Variants in PLXNA1 observed in about 807,000 individuals in gnomAD.
PLXNA1 encodes the protein plexin-A1.
In PLXNA1, 77 loss-of-function variants were observed where a neutral mutation model predicts 191.7. The observed-to-expected ratio is 0.40, with a 90% CI of 0.33 to 0.49. The LOEUF (loss-of-function observed/expected upper bound fraction) is 0.49. PLXNA1 is among the 20% of genes least tolerant of loss of function. The probability of loss-of-function intolerance (pLI) is 0.63; values close to 1 mark genes in which losing one functional copy is unlikely to be tolerated. For missense variants in PLXNA1, 2,110 were observed against 2,660.2 expected, an observed-to-expected ratio of 0.79 and a Z score of 4.55; for synonymous variants, 1,137 against 1,156.4, an observed-to-expected ratio of 0.98 and a Z score of 0.34.
rs143549043 is a variant in PLXNA1, at chr3:127,018,311, C to G, written c.3678C>G (p.Phe1226Leu). ...ACTGGCAGGTGCGGGCAGGTGGCTT[C>G]GAGTTCTCGCCAGGGACACTGCAGG... ...QHKVTVRAGG[F>L]EFSPGTLQVY... Residue 1226 changes from phenylalanine (F) to leucine (L), a missense_variant, in exon 20 of 32, where the codon TTC becomes TTG. Physicochemically the swap from Phe to Leu is conservative, Grantham distance 22. Around this residue, in one of 4 missense-constraint regions of PLXNA1, gnomAD observed 644 missense variants for 714.3 expected, o/e 0.90. Transcript: ENST00000393409. 6.2e-6 allele frequency: 10 copies of G among 1,605,798 alleles called. No individual in the cohort carries two copies. The highest frequency in any genetic ancestry group is 8.5e-6 in the Non-Finnish European group (10 of 1,176,290).
At position 127,028,937 on chromosome 3, in the gene PLXNA1, T is replaced by C. The variant is rs182969069; in HGVS notation, c.4670-56T>C. ...GCCCCGTCCCACTACACTGCTGTGA[T>C]GGAGGAGGGAAAGAGGGCCCCAGCG... On this transcript the variant is annotated intron_variant, in intron 25 of 31. Coordinates refer to ENST00000393409, the MANE Select transcript of PLXNA1 (RefSeq NM_032242.4). The C allele has an allele frequency of 1.6e-3, 2,216 of 1,388,048 alleles. 17 individuals are homozygous for C. In the African/African-American group the frequency reaches 0.026, roughly 16 times the overall value. The allele number at this position is 1,388,048 out of a possible 1,614,324, so 86.0% of individuals were successfully genotyped here.
chr3:127,013,384 G>A (rs1576681344), intron 10 of PLXNA1, among the ~76,000 whole-genome samples: 5 of 152,306 alleles, frequency 3.3e-5, no homozygotes, highest in African/African-American at 1.2e-4. Flanking sequence ...GAATTGCCGG[G>A]CCGCCCCTTG....
At position 127,033,802 on chromosome 3, in the gene PLXNA1, T is replaced by G. The variant is rs1216005763; in HGVS notation, c.5596-120T>G. The G allele has an allele frequency of 3.7e-6, 3 of 800,622 alleles. No homozygotes were observed. In the African/African-American group the frequency reaches 5.2e-5, roughly 14 times the overall value. 49.6% of individuals were successfully genotyped at this position (800,622 alleles called of 1,614,324 possible). A position where few individuals can be genotyped will look rare whatever the true frequency, so the allele number is the denominator to read the frequency against. ...GGGTCCAGGCTCACAACCAAGGTCC[T>G]TTGGCCAGGGGTAGATGGGGTTGAA... is the stretch of plus-strand genomic sequence containing the variant. On this transcript the variant is annotated intron_variant, in intron 31 of 31. Coordinates refer to ENST00000393409, the MANE Select transcript of PLXNA1 (RefSeq NM_032242.4).
At chr3:127,032,327 G>GGTA (rs1302064568) in intron 29 of PLXNA1, 60 bp from the exon 30 acceptor site, 12 of 1,535,646 alleles carry the variant, frequency 7.8e-6, no homozygotes, top group African/African-American at 5.5e-5. Flanking sequence ...AGGGCCACAA[G>GGTA]GTCACTGCTC....
In PLXNA1 at chr3:127,023,769, C is replaced by T. The variant is rs545101497; in HGVS notation, c.4362+951C>T. Among the ~76,000 whole-genome samples, 11 of 152,136 alleles carry T rather than the reference C, an allele frequency of 7.2e-5. No individual in the cohort carries two copies. In the East Asian group the frequency reaches 1.7e-3, roughly 24 times the overall value. ...CCTCGCTGCCGGGAGAGACACTGGA[C>T]GGGAAATACAGCAGACAGGCAATGG... On this transcript the variant is annotated intron_variant, in intron 23 of 31. Transcript: ENST00000393409.
chr3:127,016,446 C>T (rs762829486), intron 15 of PLXNA1, 71 bp from the exon 16 acceptor site: 9 of 1,399,904 alleles, frequency 6.4e-6, no homozygotes, highest in Non-Finnish European at 8.0e-6. Context: ...CACCGTCCCT[C>T]AATGCATCTG....
chr3:126,984,859 G>T (rs2078950301), intron 1 of PLXNA1, among the ~76,000 whole-genome samples: 1 of 152,240 alleles, frequency 6.6e-6, no homozygotes. Flanking sequence ...GGAGGAGCGG[G>T]TGCCCCAGGG....
intron 1 of PLXNA1, among the ~76,000 whole-genome samples, chr3:126,984,663 G>GA (rs2078948760): frequency 6.8e-6 from 1 of 147,626 alleles, no homozygotes; most frequent in African/African-American, 2.6e-5. Flanking sequence ...TTGGGCAGAG[G>GA]ACAGCATGGG....
In PLXNA1 at chr3:126,988,668, G is replaced by T; in HGVS notation, c.75G>T (p.Trp25Cys). Reference sequence around the variant, plus strand: ...TGCTGCTGCTGCTGCCGGGCATGTGGGCTGAGGCAGGCTTGCCCAGGGCAG... The same window carrying T: ...TGCTGCTGCTGCTGCCGGGCATGTGTGCTGAGGCAGGCTTGCCCAGGGCAG... ...LLLLLLLPGM[W>C]AEAGLPRAGG... The change falls in exon 2 of 32, where the codon TGG becomes TGT. Residue 25 changes from tryptophan to cysteine, a missense_variant. Coordinates refer to ENST00000393409, the MANE Select transcript of PLXNA1 (RefSeq NM_032242.4). 1 of 1,578,340 alleles carries T rather than the reference G, an allele frequency of 6.3e-7. No individual in the cohort carries two copies. Among genetic ancestry groups the T allele is most frequent in the African/African-American group, 1.3e-5 (1 of 74,324 alleles).
intron 2 of PLXNA1, among the ~76,000 whole-genome samples, chr3:126,990,538 C>T (rs1437721593): frequency 1.3e-5 from 2 of 152,192 alleles, no homozygotes; most frequent in East Asian, 1.9e-4. Context: ...GGCTGGGACT[C>T]GGCCCAGACC....
intron 3 of PLXNA1, among the ~76,000 whole-genome samples, chr3:127,001,190 G>A (rs756761172): frequency 6.6e-6 from 1 of 152,122 alleles, no homozygotes; most frequent in Non-Finnish European, 1.5e-5. Flanking sequence ...TCCTTTCCTT[G>A]GAGCTGGTGT....
intron 29 of PLXNA1, chr3:127,032,081 G>A: frequency 2.6e-6 from 1 of 387,612 alleles, no homozygotes; most frequent in Admixed American, 3.9e-5. Context: ...CTAGGAGGGT[G>A]GTGGCTGTGT....
chr3:127,032,377 TC>T lies in PLXNA1; in HGVS notation c.5232-9del. 6.2e-7 allele frequency: 1 copy of T among 1,613,172 alleles called. No individual in the cohort carries two copies. The highest frequency in any genetic ancestry group is 1.3e-5 in the African/African-American group (1 of 75,030). ...GCCTATCTGAGCAGCGCCTGGACTC[TC>T]GCCTGCAGCCTGCCCCTGCGCTTCT... On this transcript the variant is annotated splice_polypyrimidine_tract_variant and intron_variant, in intron 29 of 31. Coordinates refer to ENST00000393409, the MANE Select transcript of PLXNA1 (RefSeq NM_032242.4).
At chr3:127,030,218 C>T (rs2079201728) in intron 28 of PLXNA1, 25 bp from the exon 29 acceptor site, 1 of 1,609,214 alleles carries the variant, frequency 6.2e-7, no homozygotes, top group South Asian at 1.1e-5. Flanking sequence ...CCCTGGGGCT[C>T]AGTGTCCCTG....
At chr3:127,027,352 C>T in intron 23 of PLXNA1, 1 of 334,588 alleles carries the variant, frequency 3.0e-6, no homozygotes, top group South Asian at 2.4e-5. Flanking sequence ...GTGAACCTCC[C>T]TGGGTGGGCA....
intron 10 of PLXNA1, among the ~76,000 whole-genome samples, chr3:127,013,247 T>C (rs1457525434): frequency 2.0e-5 from 3 of 152,164 alleles, no homozygotes; most frequent in Non-Finnish European, 2.9e-5. Context: ...TCCACCTGCG[T>C]CTCCCTCCCC....
At chr3:127,006,520 G>A (rs1012502007) in intron 8 of PLXNA1, among the ~76,000 whole-genome samples, 12 of 152,338 alleles carry the variant, frequency 7.9e-5, no homozygotes, top group Admixed American at 7.8e-4. Context: ...ATGGCTGCAA[G>A]GGCACATTGT....
Position 127,016,946 on chromosome 3 carries a change from G to A in PLXNA1, c.3185G>A (p.Gly1062Asp). The A allele has an allele frequency of 6.2e-7, 1 of 1,612,834 alleles. No homozygotes were observed. The highest frequency in any genetic ancestry group is 8.5e-7 in the Non-Finnish European group (1 of 1,179,648). The change falls in exon 17 of 32, where the codon GGT becomes GAT. Residue 1062 changes from glycine to aspartate, a missense_variant and splice_region_variant. This residue lies in a region of PLXNA1 where 644 missense variants were observed against 714.3 expected (regional missense o/e 0.90). Transcript: ENST00000393409. The stretch of plus-strand genomic sequence containing the variant: ...CCCCCACCCCTGTCCTGTTCCAGCG[G>A]TGGGACCCTCCTGACGGTCACAGGC... ...RIDPEWSINS[G>D]GTLLTVTGTN... is the part of the protein sequence containing the mutation.
chr3:126,994,077 C>T (rs1005322220), intron 3 of PLXNA1, among the ~76,000 whole-genome samples: 2 of 152,110 alleles, frequency 1.3e-5, no homozygotes, highest in Non-Finnish European at 2.9e-5. Context: ...GTTGACCATG[C>T]GCCTGCACCC....
Sources: gnomAD v4.1 joint callset for allele counts (sites outside exome capture counted in the v4.1 genomes callset) on GRCh38, gnomAD v4.1.1 for gene constraint, gnomAD v4.1.1 regional missense constraint, MANE v1.5 for transcripts, NCBI Gene and HGNC (gene_info 2026-07-23, HGNC 2026-07-21) for gene names.